PACSIN2: variants seen among roughly 807,000 people sequenced by gnomAD.
The protein encoded by PACSIN2 is protein kinase C and casein kinase substrate in neurons protein 2.
In PACSIN2, 25 loss-of-function variants were observed where a neutral mutation model predicts 63.8. The ratio of observed to expected loss-of-function variants is 0.39; its 90% CI spans 0.29 to 0.55. PACSIN2 has a LOEUF of 0.55. Among genes scored for constraint, PACSIN2 ranks in the 20% least tolerant of loss-of-function variants. PACSIN2 has a pLI of 0.62. For synonymous variants in PACSIN2, 255 were observed against 256.2 expected, an observed-to-expected ratio of 1.00 and a Z score of 0.05; for missense variants, 518 against 646.9, an observed-to-expected ratio of 0.80 and a Z score of 2.16.
At position 42,933,671 on chromosome 22, in the gene PACSIN2, C is replaced by G. The variant is rs575744537; in HGVS notation, c.-77-21514G>C. Among the ~76,000 whole-genome samples, 3 of 152,336 alleles carry G rather than the reference C, an allele frequency of 2.0e-5. No homozygotes were observed. The East Asian group carries it at 5.8e-4, about 29-fold the overall frequency. On this transcript the variant is annotated intron_variant, in intron 1 of 10. Coordinates refer to ENST00000263246, the MANE Select transcript of PACSIN2 (RefSeq NM_001184970.3). ...ATAGGTCCACCCACTCAAACCCCAA[C>G]GGGGCCCTCACAGCCCCCGCACCCT... is the stretch of plus-strand genomic sequence containing the variant.
chr22:42,877,782 C>T (rs1302154989), intron 8 of PACSIN2, among the ~76,000 whole-genome samples: 1 of 152,188 alleles, frequency 6.6e-6, no homozygotes, highest in Non-Finnish European at 1.5e-5. Context: ...CCCTGGCACC[C>T]CACCAAGTAA....
rs137876228 is a variant in PACSIN2 at position 42,872,798 on chromosome 22, C to G, written c.1349-1329G>C. ...ACTGGCTCAGCCTCCCACTGTCGTG[C>G]CGCTTCTGCCAGACCAGTGCGCCTG... On this transcript the variant is annotated intron_variant, in intron 10 of 10. Transcript: ENST00000263246. Among the ~76,000 whole-genome samples, 252 of 152,398 alleles carry G rather than the reference C, an allele frequency of 1.7e-3. 2 individuals carry two copies. The highest frequency in any genetic ancestry group is 5.8e-3 in the African/African-American group (242 of 41,594).
intron 1 of PACSIN2, among the ~76,000 whole-genome samples, chr22:42,925,737 A>G (rs1213772319): frequency 6.6e-6 from 1 of 152,218 alleles, no homozygotes; most frequent in Non-Finnish European, 1.5e-5. Context: ...CGTAAACACT[A>G]CTGCACATGT....
chr22:42,871,543 G>A lies in PACSIN2; in HGVS notation c.1349-74C>T. 8.4e-7 allele frequency: 1 copy of A among 1,186,410 alleles called. No individual in the cohort carries two copies. The highest frequency in any genetic ancestry group is 2.3e-5 in the East Asian group (1 of 42,684). 73.5% of individuals were successfully genotyped at this position (1,186,410 alleles called of 1,614,324 possible). On this transcript the variant is annotated intron_variant, in intron 10 of 10. Coordinates refer to ENST00000263246, the MANE Select transcript of PACSIN2 (RefSeq NM_001184970.3). The surrounding 1 kb of genome is among the most constrained non-coding windows in gnomAD (Gnocchi z 5.4). Reference sequence around the variant, plus strand: ...GTGGGCTACAGAGCCGCATTCACGAGCTTTGAGCCCACAGAGGGTGGAGGG... The same window carrying A: ...GTGGGCTACAGAGCCGCATTCACGAACTTTGAGCCCACAGAGGGTGGAGGG...
intron 1 of PACSIN2, among the ~76,000 whole-genome samples, chr22:42,927,829 C>T (rs1341678306): frequency 3.3e-5 from 5 of 152,098 alleles, no homozygotes; most frequent in East Asian, 1.9e-4. Context: ...TCAGGTGATC[C>T]GCCTGCCTCA....
intron 1 of PACSIN2, among the ~76,000 whole-genome samples, chr22:42,946,740 A>G (rs1339441703): frequency 6.6e-6 from 1 of 152,206 alleles, no homozygotes; most frequent in Admixed American, 6.5e-5. Flanking sequence ...TCAGGACTTC[A>G]GAGCACATGA....
intron 2 of PACSIN2, among the ~76,000 whole-genome samples, chr22:42,902,034 T>C (rs1452646962): frequency 6.6e-6 from 1 of 152,208 alleles, no homozygotes; most frequent in Non-Finnish European, 1.5e-5. Flanking sequence ...GGCAACACTC[T>C]CTTGCCACTG....
chr22:42,974,887 A>G (rs570390171), intron 1 of PACSIN2, among the ~76,000 whole-genome samples: 35 of 152,292 alleles, frequency 2.3e-4, no homozygotes, highest in African/African-American at 7.5e-4. Flanking sequence ...TTTGGGAATT[A>G]GTCCTCTTTT....
At chr22:42,913,768 A>G (rs1341666774) in intron 1 of PACSIN2, among the ~76,000 whole-genome samples, 3 of 152,226 alleles carry the variant, frequency 2.0e-5, no homozygotes, top group Non-Finnish European at 4.4e-5. Context: ...CGGTTGTCCA[A>G]GTAATGGCTG....
intron 1 of PACSIN2, among the ~76,000 whole-genome samples, chr22:42,957,049 G>A (rs1422527705): frequency 1.3e-5 from 2 of 152,046 alleles, no homozygotes; most frequent in African/African-American, 2.4e-5. Flanking sequence ...CTAAATTATG[G>A]GAGAAGCGAA....
intron 2 of PACSIN2, among the ~76,000 whole-genome samples, chr22:42,907,203 G>A (rs1235194282): frequency 6.6e-6 from 1 of 152,230 alleles, no homozygotes; most frequent in East Asian, 1.9e-4. Context: ...GAGTCCAGCT[G>A]GCTGTCAACA....
intron 1 of PACSIN2, among the ~76,000 whole-genome samples, chr22:42,990,036 G>A (rs12159778): frequency 2.7e-3 from 90 of 33,346 alleles, no homozygotes; most frequent in Non-Finnish European, 5.4e-3. Flanking sequence ...GTATATATAT[G>A]TATATATATA....
intron 1 of PACSIN2, among the ~76,000 whole-genome samples, chr22:42,968,491 T>A (rs943872168): frequency 4.6e-5 from 7 of 152,168 alleles, no homozygotes; most frequent in Non-Finnish European, 7.3e-5. Context: ...TGAACCCTTA[T>A]TCGAGATTTT....
In PACSIN2 at chr22:42,871,158, G is replaced by A. The variant is rs73176838; in HGVS notation, c.*199C>T. On this transcript the variant is annotated 3_prime_UTR_variant, in exon 11 of 11. Transcript: ENST00000263246. The surrounding 1 kb of genome is among the most constrained non-coding windows in gnomAD (Gnocchi z 5.4). Reference sequence around the variant, plus strand: ...TTTCTGTTGTTCTGCGTCTTCCTGCGCTCAGATCCCTCCAGCTGCACTCGG... The same window carrying A: ...TTTCTGTTGTTCTGCGTCTTCCTGCACTCAGATCCCTCCAGCTGCACTCGG... 2,046 of 600,710 alleles carry A rather than the reference G, an allele frequency of 3.4e-3. 7 individuals carry two copies. The highest frequency in any genetic ancestry group is 5.2e-3 in the Non-Finnish European group (1,727 of 334,368). The allele number at this position is 600,710 out of a possible 1,614,324, so 37.2% of individuals were successfully genotyped here.
In PACSIN2 at chr22:42,953,855, G is replaced by A. The variant is rs116755929; in HGVS notation, c.-77-41698C>T. On this transcript the variant is annotated intron_variant, in intron 1 of 10. Coordinates refer to ENST00000263246, the MANE Select transcript of PACSIN2 (RefSeq NM_001184970.3). ...GGCAAGCGTGATTGTGTGATTACAA[G>A]GACACTGGAGGAAAAAAGAGACGAA... Among the ~76,000 whole-genome samples, 881 of 152,262 alleles carry A rather than the reference G, an allele frequency of 5.8e-3. 14 individuals are homozygous for A. The highest frequency in any genetic ancestry group is 0.02 in the African/African-American group (846 of 41,556).
chr22:42,912,973 C>T (rs1931560581), intron 1 of PACSIN2, among the ~76,000 whole-genome samples: 1 of 152,208 alleles, frequency 6.6e-6, no homozygotes, highest in South Asian at 2.1e-4. Context: ...GTTTTGAGCA[C>T]CAACAAGGCA....
chr22:43,000,213 G>T (rs1356020654), intron 1 of PACSIN2, among the ~76,000 whole-genome samples: 1 of 152,222 alleles, frequency 6.6e-6, no homozygotes, highest in Non-Finnish European at 1.5e-5. Context: ...CCCTCCTATG[G>T]GGAAAAGCAA....
At chr22:42,901,049 C>T (rs1166012205) in intron 2 of PACSIN2, among the ~76,000 whole-genome samples, 2 of 152,164 alleles carry the variant, frequency 1.3e-5, no homozygotes, top group Non-Finnish European at 2.9e-5. Context: ...CCAGGAACCC[C>T]AAGCCTGTAA....
At chr22:42,944,159 C>T (rs994395362) in intron 1 of PACSIN2, among the ~76,000 whole-genome samples, 3 of 152,224 alleles carry the variant, frequency 2.0e-5, no homozygotes, top group Non-Finnish European at 4.4e-5. Context: ...CGAGTGGCAG[C>T]TCTCAGAGAG....
Sources: allele counts gnomAD v4.1 joint callset (sites outside exome capture counted in the v4.1 genomes callset), GRCh38; gene constraint gnomAD v4.1.1; non-coding constraint Gnocchi (gnomAD v3.1); transcripts MANE v1.5; gene names NCBI Gene and HGNC (gene_info 2026-07-23, HGNC 2026-07-21).